Variants in PTPRG observed in about 807,000 individuals in gnomAD.
The protein encoded by PTPRG is receptor-type tyrosine-protein phosphatase gamma.
Under a neutral mutation model 165.3 loss-of-function variants are expected in PTPRG, and 102 were observed. The observed-to-expected ratio is 0.62, with a 90% CI of 0.53 to 0.73. The LOEUF is 0.73. PTPRG is among the 30% of genes least tolerant of loss of function. The pLI, the probability that PTPRG is intolerant of heterozygous loss-of-function variation, is 0.00. For missense variants in PTPRG, 1,866 were observed against 1,861.4 expected (o/e 1.00, Z -0.05); for synonymous variants, 675 against 669.5 (o/e 1.01, Z -0.13).
At chr3:62,102,146 G>T (rs1184749208) in intron 5 of PTPRG, among the ~76,000 whole-genome samples, 2 of 152,156 alleles carry the variant, frequency 1.3e-5, no homozygotes, top group Non-Finnish European at 2.9e-5. Flanking sequence ...TCCTGAGGGG[G>T]TCTTGTTTCT....
intron 26 of PTPRG, among the ~76,000 whole-genome samples, chr3:62,279,257 C>T (rs1702345241): frequency 6.6e-6 from 1 of 152,048 alleles, no homozygotes; most frequent in African/African-American, 2.4e-5. Flanking sequence ...GCCCAGATAT[C>T]TTTGACCTAT....
At chr3:62,154,127 GCCACCA>G (rs1704447898) in intron 6 of PTPRG, among the ~76,000 whole-genome samples, 1 of 152,172 alleles carries the variant, frequency 6.6e-6, no homozygotes, top group Non-Finnish European at 1.5e-5. Context: ...CTCGGCTTCA[GCCACCA>G]GGGCTGACTT....
At chr3:61,599,630 C>G (rs1700794181) in intron 1 of PTPRG, among the ~76,000 whole-genome samples, 1 of 151,406 alleles carries the variant, frequency 6.6e-6, no homozygotes, top group Non-Finnish European at 1.5e-5. Flanking sequence ...GTAGCGGGGA[C>G]TACAGGTGCA....
intron 2 of PTPRG, among the ~76,000 whole-genome samples, chr3:61,867,792 G>C (rs1269276111): frequency 6.6e-6 from 1 of 152,180 alleles, no homozygotes; most frequent in Non-Finnish European, 1.5e-5. Context: ...GTCCCTTACG[G>C]AACTCAAAAT....
chr3:62,081,959 A>G (rs890291849), intron 5 of PTPRG, among the ~76,000 whole-genome samples: 3 of 152,188 alleles, frequency 2.0e-5, no homozygotes, highest in Non-Finnish European at 4.4e-5. Context: ...AATAAACACA[A>G]TCTTCTCCTG....
intron 2 of PTPRG, 62 bp from the exon 3 acceptor site, chr3:61,989,563 T>C: frequency 6.6e-7 from 1 of 1,507,808 alleles, no homozygotes; most frequent in Non-Finnish European, 9.0e-7. Flanking sequence ...CTTCCTAAGA[T>C]TTATTCATTT....
At chr3:61,655,789 G>T (rs915636003) in intron 1 of PTPRG, among the ~76,000 whole-genome samples, 5 of 151,996 alleles carry the variant, frequency 3.3e-5, no homozygotes, top group Admixed American at 3.3e-4. Flanking sequence ...AATTTTTTTT[G>T]TAGATATAGG....
intron 4 of PTPRG, among the ~76,000 whole-genome samples, chr3:62,073,154 A>G (rs1318691402): frequency 6.6e-6 from 1 of 152,224 alleles, no homozygotes; most frequent in Non-Finnish European, 1.5e-5. Flanking sequence ...ATGTAAATGA[A>G]TGAATGAATA....
intron 8 of PTPRG, among the ~76,000 whole-genome samples, chr3:62,173,292 A>C (rs1465369332): frequency 6.6e-6 from 1 of 151,978 alleles, no homozygotes; most frequent in Non-Finnish European, 1.5e-5. Flanking sequence ...TGGTTGGTTG[A>C]ATCCATGCAT....
chr3:62,077,711 C>T (rs995659675), intron 4 of PTPRG, among the ~76,000 whole-genome samples: 3 of 151,858 alleles, frequency 2.0e-5, no homozygotes, highest in Non-Finnish European at 4.4e-5. Context: ...TTCTAAAATA[C>T]GTTAGCAAAG....
At chr3:62,064,011 GTCT>G (rs1467442566) in intron 4 of PTPRG, among the ~76,000 whole-genome samples, 1 of 152,176 alleles carries the variant, frequency 6.6e-6, no homozygotes, top group East Asian at 1.9e-4. Context: ...GATGAGGCTG[GTCT>G]TCTGAGTTAG....
intron 4 of PTPRG, among the ~76,000 whole-genome samples, chr3:62,046,995 C>A (rs1700314134): frequency 6.6e-6 from 1 of 152,124 alleles, no homozygotes; most frequent in South Asian, 2.1e-4. Context: ...ATGGAAGATA[C>A]AAGTGGGGCT....
intron 4 of PTPRG, among the ~76,000 whole-genome samples, chr3:62,057,152 G>A (rs1700660289): frequency 6.6e-6 from 1 of 152,172 alleles, no homozygotes; most frequent in Admixed American, 6.5e-5. Flanking sequence ...ATTTGCAATT[G>A]AGATCAGAGT....
intron 2 of PTPRG, among the ~76,000 whole-genome samples, chr3:61,944,962 G>T (rs546537182): frequency 1.2e-4 from 18 of 152,292 alleles, no homozygotes; most frequent in Admixed American, 3.3e-4. Flanking sequence ...ACAGATTGCA[G>T]TGGCTCTGCT....
chr3:62,056,575 C>A (rs1448090815), intron 4 of PTPRG, among the ~76,000 whole-genome samples: 1 of 152,128 alleles, frequency 6.6e-6, no homozygotes, highest in Non-Finnish European at 1.5e-5. Context: ...CTTAATAAGC[C>A]TTTGTTATGT....
intron 2 of PTPRG, among the ~76,000 whole-genome samples, chr3:61,756,744 T>A (rs949932250): frequency 6.6e-6 from 1 of 152,220 alleles, no homozygotes; most frequent in African/African-American, 2.4e-5. Context: ...AGCAGTAAGA[T>A]GAAATACTGT....
chr3:61,670,563 A>G (rs1270970204), intron 1 of PTPRG, among the ~76,000 whole-genome samples: 1 of 152,134 alleles, frequency 6.6e-6, no homozygotes, highest in East Asian at 1.9e-4. Flanking sequence ...TGCTTTCCAT[A>G]TGGTCATACT....
At chr3:61,948,087 G>A (rs1575814017) in intron 2 of PTPRG, among the ~76,000 whole-genome samples, 1 of 152,284 alleles carries the variant, frequency 6.6e-6, no homozygotes, top group East Asian at 1.9e-4. Flanking sequence ...CACTTTGGGA[G>A]GTGGAGGCGG....
At chr3:62,024,065 GTGTC>G (rs1411354846) in intron 4 of PTPRG, among the ~76,000 whole-genome samples, 1 of 152,132 alleles carries the variant, frequency 6.6e-6, no homozygotes, top group Non-Finnish European at 1.5e-5. Flanking sequence ...TGTTGTAAGA[GTGTC>G]TGTTTAGTGT....
Sources: allele counts gnomAD v4.1 joint callset (sites outside exome capture counted in the v4.1 genomes callset), GRCh38; gene constraint gnomAD v4.1.1; transcripts MANE v1.5; gene names NCBI Gene and HGNC (gene_info 2026-07-23, HGNC 2026-07-21).